GPRC5B: variants seen among roughly 807,000 people sequenced by gnomAD.
The protein encoded by GPRC5B is G protein-coupled receptor family C group 5 member B.
GPRC5B carries 16 observed loss-of-function variants against 30.1 expected under a neutral mutation model. That is an observed-to-expected ratio of 0.53 (90% CI 0.36 to 0.81). The LOEUF is 0.81. Among genes scored for constraint, GPRC5B ranks in the 30% least tolerant of loss-of-function variants. GPRC5B has a pLI of 0.01. For synonymous variants in GPRC5B, 241 were observed against 239.5 expected (o/e 1.01, Z -0.06); for missense variants, 428 against 544.7 (o/e 0.79, Z 2.13).
intron 3 of GPRC5B, among the ~76,000 whole-genome samples, chr16:19,861,217 T>G (rs1010265548): frequency 2.0e-5 from 3 of 152,142 alleles, no homozygotes; most frequent in African/African-American, 7.2e-5. Context: ...TGTAGCTATG[T>G]TTGGAAATTA....
intron 1 of GPRC5B, among the ~76,000 whole-genome samples, chr16:19,878,228 A>AAACAGAC (rs1567211735): frequency 3.4e-4 from 45 of 131,370 alleles, no homozygotes; most frequent in Middle Eastern, 3.8e-3. Flanking sequence ...AACAAACAAA[A>AAACAGAC]AAACCCAAAG....
At chr16:19,883,406 C>T (rs1159222731) in intron 1 of GPRC5B, among the ~76,000 whole-genome samples, 1 of 152,220 alleles carries the variant, frequency 6.6e-6, no homozygotes, top group Admixed American at 6.5e-5. Context: ...GGAGGGCTTC[C>T]AAACGACAGA....
chr16:19,871,656 A>G (rs571722811), intron 2 of GPRC5B, among the ~76,000 whole-genome samples, 160 bp downstream of exon 2: 33 of 152,266 alleles, frequency 2.2e-4, no homozygotes, highest in Admixed American at 1.2e-3. Flanking sequence ...CCAAACCCAT[A>G]TCTGGGTCAG....
At chr16:19,869,548 A>G (rs2056696284) in intron 2 of GPRC5B, among the ~76,000 whole-genome samples, 1 of 152,048 alleles carries the variant, frequency 6.6e-6, no homozygotes, top group African/African-American at 2.4e-5. Context: ...CTTTTCAAGT[A>G]TCAATAGCAG....
intron 2 of GPRC5B, among the ~76,000 whole-genome samples, chr16:19,871,300 A>AAAAAAAAAAAT (rs71146280): frequency 7.2e-6 from 1 of 139,784 alleles, no homozygotes. Flanking sequence ...AAAAAAAAAA[A>AAAAAAAAAAAT]GAAAGAAAGA....
chr16:19,862,184 G>C, intron 2 of GPRC5B: 1 of 552,084 alleles, frequency 1.8e-6, no homozygotes, highest in Non-Finnish European at 3.2e-6. Flanking sequence ...GTGGGTTTGG[G>C]AAAAGCTGCT....
rs2056625759 is a variant in GPRC5B at position 19,861,836 on chromosome 16, C to T, written c.1167+1G>A. On this transcript the variant is annotated splice_donor_variant, in intron 3 of 3. Coordinates refer to ENST00000300571, the MANE Select transcript of GPRC5B (RefSeq NM_016235.3). LOFTEE classifies it high-confidence loss of function. Reference sequence around the variant, plus strand: ...CCCCCACATCACATCTTGATACTTACGGTCCCACCGTTGAGCACGACGGCC... The same window carrying T: ...CCCCCACATCACATCTTGATACTTATGGTCCCACCGTTGAGCACGACGGCC... 5.6e-6 allele frequency: 9 copies of T among 1,612,382 alleles called. No individual in the cohort carries two copies. The highest frequency in any genetic ancestry group is 6.8e-6 in the Non-Finnish European group (8 of 1,179,002).
chr16:19,866,227 T>A (rs932097092), intron 2 of GPRC5B, among the ~76,000 whole-genome samples: 1 of 152,118 alleles, frequency 6.6e-6, no homozygotes, highest in South Asian at 2.1e-4. Flanking sequence ...TGGTAATTTT[T>A]TAAAGCAGCC....
chr16:19,880,955 G>T (rs1468753532), intron 1 of GPRC5B: 1 of 152,160 alleles, frequency 6.6e-6, no homozygotes, highest in South Asian at 2.1e-4. Flanking sequence ...GCAGGGCAGT[G>T]GCATCTTAAC....
rs2141135501 is a variant in GPRC5B at position 19,858,909 on chromosome 16, C to G, written c.*1591G>C. On this transcript the variant is annotated 3_prime_UTR_variant, in exon 4 of 4. Coordinates refer to ENST00000300571, the MANE Select transcript of GPRC5B (RefSeq NM_016235.3). Reference sequence around the variant, plus strand: ...GTCACACAGGGAGGGCCAGATTGGCCTTACTTTCCCCAGTGCTTTGCAAGG... The same window carrying G: ...GTCACACAGGGAGGGCCAGATTGGCGTTACTTTCCCCAGTGCTTTGCAAGG... The G allele has an allele frequency of 5.0e-6, 1 of 198,782 alleles. No individual in the cohort carries two copies. Among genetic ancestry groups the G allele is most frequent in the East Asian group, 1.1e-4 (1 of 8,852 alleles). The allele number at this position is 198,782 out of a possible 1,614,324, so 12.3% of individuals were successfully genotyped here.
intron 2 of GPRC5B, among the ~76,000 whole-genome samples, chr16:19,869,627 T>C (rs2056697287): frequency 6.6e-6 from 1 of 152,082 alleles, no homozygotes; most frequent in Non-Finnish European, 1.5e-5. Context: ...ATCCCCTAGA[T>C]AGGACCTCAC....
chr16:19,863,969 C>T (rs59091432), intron 2 of GPRC5B, among the ~76,000 whole-genome samples: 2,929 of 152,060 alleles, frequency 0.019, 96 homozygotes, highest in African/African-American at 0.068. Flanking sequence ...GAAAGATTGT[C>T]CGTGGTGCCA....
chr16:19,883,908 C>T (rs2056828509), intron 1 of GPRC5B, among the ~76,000 whole-genome samples: 1 of 152,220 alleles, frequency 6.6e-6, no homozygotes, highest in Admixed American at 6.5e-5. Context: ...GCTCCTCCCG[C>T]GCGCTCCCTT....
chr16:19,861,714 G>A, intron 3 of GPRC5B, 123 bp downstream of exon 3: 1 of 738,086 alleles, frequency 1.4e-6, no homozygotes, highest in East Asian at 2.5e-5. Context: ...ATGCGTTTGA[G>A]CTGTGGCGGT....
intron 1 of GPRC5B, among the ~76,000 whole-genome samples, chr16:19,877,717 C>T (rs1315350905): frequency 6.6e-6 from 1 of 152,184 alleles, no homozygotes; most frequent in Non-Finnish European, 1.5e-5. Context: ...ATTACTATCT[C>T]CATTTTACAG....
rs1432938913 is a variant in GPRC5B at position 19,872,867 on chromosome 16, A to C, written c.-1-21T>G. 1.9e-6 allele frequency: 3 copies of C among 1,572,880 alleles called. No individual in the cohort carries two copies. The highest frequency in any genetic ancestry group is 1.1e-5 in the South Asian group (1 of 89,620). On this transcript the variant is annotated intron_variant, in intron 1 of 3. Coordinates refer to ENST00000300571, the MANE Select transcript of GPRC5B (RefSeq NM_016235.3). This position sits in a 1 kb window ranked among gnomAD's most constrained non-coding sequence, Gnocchi z 5.0. Reference sequence around the variant, plus strand: ...ACATTCTAGAAAAGCCAAGAGGGGAATGGTTGGGGGGAAGGAAAGATGAAT... The same window carrying C: ...ACATTCTAGAAAAGCCAAGAGGGGACTGGTTGGGGGGAAGGAAAGATGAAT...
chr16:19,878,375 G>T (rs558682224), intron 1 of GPRC5B, among the ~76,000 whole-genome samples: 1 of 151,074 alleles, frequency 6.6e-6, no homozygotes, highest in East Asian at 2.0e-4. Flanking sequence ...GCATGATCTC[G>T]GCTCACTGCA....
intron 3 of GPRC5B, 128 bp from the exon 4 acceptor site, chr16:19,860,672 C>A (rs1418157990): frequency 2.1e-5 from 13 of 608,868 alleles, no homozygotes; most frequent in Non-Finnish European, 3.2e-5. Flanking sequence ...TCGAATAATT[C>A]CCAGGAGAGG....
Position 19,872,567 on chromosome 16 carries a change from C to A in GPRC5B, c.279G>T (p.Val93=), listed in dbSNP as rs1256362853. ...FIKEKEKKSP[V]GLHFLFLLGT... ...CCAGGAGGAACAGAAAGTGGAGGCC[C>A]ACAGGGCTCTTCTTCTCCTTCTCCT... The change falls in exon 2 of 4, where the codon GTG becomes GTT. Residue 93 remains valine, a synonymous_variant. Coordinates refer to ENST00000300571, the MANE Select transcript of GPRC5B (RefSeq NM_016235.3). The surrounding 1 kb of genome is among the most constrained non-coding windows in gnomAD (Gnocchi z 5.0). The A allele has an allele frequency of 3.1e-6, 5 of 1,614,026 alleles. No individual in the cohort carries two copies. The Admixed American group carries it at 5.0e-5, about 16-fold the overall frequency.
Sources: gnomAD v4.1 joint callset for allele counts (sites outside exome capture counted in the v4.1 genomes callset) on GRCh38, gnomAD v4.1.1 for gene constraint, Gnocchi (gnomAD v3.1) non-coding constraint, MANE v1.5 for transcripts, NCBI Gene and HGNC (gene_info 2026-07-23, HGNC 2026-07-21) for gene names.